RNF217: variants seen among roughly 807,000 people sequenced by gnomAD.
RNF217 encodes the protein ring finger protein 217.
Under a neutral mutation model 57.8 loss-of-function variants are expected in RNF217, and 31 were observed. The observed-to-expected ratio is 0.54, with a 90% CI of 0.40 to 0.72. RNF217 has a LOEUF of 0.72. Among genes scored for constraint, RNF217 ranks in the 30% least tolerant of loss-of-function variants. RNF217 has a pLI of 0.00. For missense variants in RNF217, 696 were observed against 708.3 expected, an observed-to-expected ratio of 0.98 and a Z score of 0.20; for synonymous variants, 313 against 294.0, an observed-to-expected ratio of 1.06 and a Z score of -0.66.
At chr6:125,072,482 A>G (rs1019210122) in intron 3 of RNF217, among the ~76,000 whole-genome samples, 1 of 152,198 alleles carries the variant, frequency 6.6e-6, no homozygotes, top group Admixed American at 6.5e-5. Flanking sequence ...CATTTGGAAT[A>G]TAATAATACT....
At chr6:125,002,579 A>T (rs1478888107) in intron 1 of RNF217, among the ~76,000 whole-genome samples, 1 of 152,012 alleles carries the variant, frequency 6.6e-6, no homozygotes, top group South Asian at 2.1e-4. Context: ...TAACCTTATT[A>T]TCTACGACCA....
chr6:124,991,157 G>A (rs924522156), intron 1 of RNF217, among the ~76,000 whole-genome samples: 3 of 152,192 alleles, frequency 2.0e-5, no homozygotes, highest in African/African-American at 7.2e-5. Flanking sequence ...AATTCCCTGT[G>A]TGATCCATGA....
intron 1 of RNF217, among the ~76,000 whole-genome samples, chr6:124,995,814 C>T (rs1424333834): frequency 6.6e-6 from 1 of 151,932 alleles, no homozygotes; most frequent in African/African-American, 2.4e-5. Flanking sequence ...CCCAGCTACT[C>T]GGGAAGCTGA....
At chr6:124,976,190 C>G (rs531714826) in intron 1 of RNF217, among the ~76,000 whole-genome samples, 1 of 152,186 alleles carries the variant, frequency 6.6e-6, no homozygotes, top group African/African-American at 2.4e-5. Context: ...TTTTACAAAT[C>G]TAAGCCTAGT....
chr6:125,016,159 G>A (rs1188749817), intron 1 of RNF217, among the ~76,000 whole-genome samples: 1 of 152,144 alleles, frequency 6.6e-6, no homozygotes, highest in Non-Finnish European at 1.5e-5. Flanking sequence ...GTAAGCAAAC[G>A]TAACAACTTA....
At position 125,085,419 on chromosome 6, in the gene RNF217, C is replaced by T. The variant is rs1788743776; in HGVS notation, c.*2482C>T. On this transcript the variant is annotated 3_prime_UTR_variant, in exon 6 of 6. Coordinates refer to ENST00000521654, the MANE Select transcript of RNF217 (RefSeq NM_001286398.3). ...CTATTAGGCCTTTCCCTGCTGGTAA[C>T]TTAAAATGATTATTTGTGAATTTTT... The T allele has an allele frequency of 6.6e-6, 1 of 151,698 alleles. No individual in the cohort carries two copies. The highest frequency in any genetic ancestry group is 2.4e-5 in the African/African-American group (1 of 41,360). The allele number at this position is 151,698 out of a possible 1,614,324, so 9.4% of individuals were successfully genotyped here.
At chr6:124,986,889 G>C (rs935514732) in intron 1 of RNF217, among the ~76,000 whole-genome samples, 5 of 152,124 alleles carry the variant, frequency 3.3e-5, no homozygotes, top group Non-Finnish European at 5.9e-5. Flanking sequence ...TTTCTTTTGA[G>C]ATAATGTTTT....
At chr6:125,058,442 C>CCACGTGTA (rs1787605774) in intron 3 of RNF217, among the ~76,000 whole-genome samples, 1 of 152,092 alleles carries the variant, frequency 6.6e-6, no homozygotes, top group Admixed American at 6.5e-5. Flanking sequence ...TTCTAGTCTG[C>CCACGTGTA]CACGTGTACT....
chr6:124,985,926 T>C (rs1784350736), intron 1 of RNF217, among the ~76,000 whole-genome samples: 1 of 152,160 alleles, frequency 6.6e-6, no homozygotes, highest in Non-Finnish European at 1.5e-5. Context: ...TTTTGGCAAA[T>C]AAGTGCTGCA....
intron 1 of RNF217, among the ~76,000 whole-genome samples, chr6:124,994,175 A>G (rs552035273): frequency 1.3e-5 from 2 of 152,202 alleles, no homozygotes; most frequent in Non-Finnish European, 1.5e-5. Context: ...TTTTTGTTTT[A>G]TAAATGTTTA....
chr6:125,082,744 G>C, intron 5 of RNF217, 120 bp from the exon 6 acceptor site: 2 of 1,143,438 alleles, frequency 1.7e-6, no homozygotes, highest in Non-Finnish European at 2.5e-6. Flanking sequence ...ACATTTCATA[G>C]CATAGATGTC....
At chr6:124,993,446 C>T (rs145852712) in intron 1 of RNF217, among the ~76,000 whole-genome samples, 260 of 152,194 alleles carry the variant, frequency 1.7e-3, no homozygotes, top group African/African-American at 5.7e-3. Flanking sequence ...TTAGGTTTTC[C>T]TTTCTTTGAT....
intron 1 of RNF217, among the ~76,000 whole-genome samples, chr6:124,985,598 C>T (rs1784340493): frequency 6.6e-6 from 1 of 151,692 alleles, no homozygotes. Flanking sequence ...ATTGAAAATA[C>T]AATATTAAGG....
At chr6:125,043,197 A>G (rs770433635) in intron 1 of RNF217, among the ~76,000 whole-genome samples, 1 of 152,098 alleles carries the variant, frequency 6.6e-6, no homozygotes, top group Non-Finnish European at 1.5e-5. Flanking sequence ...TTAAGTTCAG[A>G]TGCATGTGCA....
chr6:125,014,891 A>G (rs570404191), intron 1 of RNF217, among the ~76,000 whole-genome samples: 1 of 152,234 alleles, frequency 6.6e-6, no homozygotes, highest in African/African-American at 2.4e-5. Context: ...TTTTGAGCAA[A>G]CCCAAAGCCC....
intron 1 of RNF217, among the ~76,000 whole-genome samples, chr6:124,989,213 GC>G (rs1784464413): frequency 6.6e-6 from 1 of 152,012 alleles, no homozygotes; most frequent in South Asian, 2.1e-4. Flanking sequence ...ATTTTGATGA[GC>G]GCTTATGCTA....
intron 3 of RNF217, among the ~76,000 whole-genome samples, chr6:125,065,373 TCAAA>T (rs1787900092): frequency 6.6e-6 from 1 of 152,120 alleles, no homozygotes; most frequent in Admixed American, 6.5e-5. Context: ...TTAAGATATT[TCAAA>T]CAGAGTTTTA....
rs755736895 is a variant in RNF217, at chr6:124,963,003, G to A, written c.459G>A (p.Arg153=). ...TGGTCCTGGACGTGCTGGGTCAGCG[G>A]CGCCCGTCCCTCGCCAAGAGACAAG... The part of the protein sequence containing the change: ...DGLVLDVLGQ[R]RPSLAKRQVF... Residue 153 remains arginine, a synonymous_variant, in exon 1 of 6, where the codon CGG becomes CGA. Coordinates refer to ENST00000521654, the MANE Select transcript of RNF217 (RefSeq NM_001286398.3). The A allele has an allele frequency of 1.9e-5, 31 of 1,596,036 alleles. No individual in the cohort carries two copies. The East Asian group carries it at 2.2e-4, about 11-fold the overall frequency.
At position 125,011,379 on chromosome 6, in the gene RNF217, G is replaced by T. The variant is rs151154984; in HGVS notation, c.883-33832G>T. 6.0e-4 allele frequency among the ~76,000 whole-genome samples: 92 copies of T among 152,076 alleles called. 1 individual carries two copies. In the East Asian group the frequency reaches 0.016, roughly 27 times the overall value. ...AATTTGGCATTATCATATTCACCTGGAAAATCAGAAACTGAAGGCTCAGCG... is the reference window on the plus strand; with the variant it reads ...AATTTGGCATTATCATATTCACCTGTAAAATCAGAAACTGAAGGCTCAGCG... On this transcript the variant is annotated intron_variant, in intron 1 of 5. Transcript: ENST00000521654.
Sources: gnomAD v4.1 joint callset for allele counts (sites outside exome capture counted in the v4.1 genomes callset) on GRCh38, gnomAD v4.1.1 for gene constraint, MANE v1.5 for transcripts, NCBI Gene and HGNC (gene_info 2026-07-23, HGNC 2026-07-21) for gene names.